The following REDIC1 variants were observed in gnomAD, a reference collection of about 807,000 sequenced individuals.
REDIC1 encodes the protein HEI10 Interacting Protein 1.
At chr12:39,871,891 C>G in the REDIC1 span, 2 of 1,612,016 alleles carry the variant, frequency 1.2e-6, no homozygotes, top group Non-Finnish European at 1.7e-6. Context: ...AAGGCTGTAA[C>G]TGAAGCCAGC....
the REDIC1 span, among the ~76,000 whole-genome samples, chr12:39,888,061 T>C: frequency 5.3e-5 from 8 of 152,200 alleles, no homozygotes; most frequent in Admixed American, 2.0e-4. Flanking sequence ...AACTGACAGA[T>C]TGATTGCACT....
At chr12:39,712,651 GTATA>G in the REDIC1 span, among the ~76,000 whole-genome samples, 1 of 142,774 alleles carries the variant, frequency 7.0e-6, no homozygotes, top group Admixed American at 7.0e-5. Context: ...TTATATTTAT[GTATA>G]TATGTATGTA....
chr12:39,792,287 G>A, the REDIC1 span, among the ~76,000 whole-genome samples: 3 of 148,450 alleles, frequency 2.0e-5, no homozygotes, highest in Non-Finnish European at 4.5e-5. Flanking sequence ...AGAAAACCTA[G>A]GCATTACCAT....
chr12:39,838,890 C>A, the REDIC1 span, among the ~76,000 whole-genome samples: 1 of 152,048 alleles, frequency 6.6e-6, no homozygotes, highest in Non-Finnish European at 1.5e-5. Flanking sequence ...AGATGGAGCA[C>A]TAAGAACAGT....
At chr12:39,824,320 T>C in the REDIC1 span, among the ~76,000 whole-genome samples, 2 of 152,220 alleles carry the variant, frequency 1.3e-5, no homozygotes, top group Admixed American at 1.3e-4. Flanking sequence ...CCGACTGATA[T>C]TGAACATCAG....
At chr12:39,788,804 T>C in the REDIC1 span, 145,013 of 152,226 alleles carry the variant, frequency 0.95, 69,146 homozygotes, top group East Asian at 0.99. Flanking sequence ...AGAAAGTAGC[T>C]CAACAATCGA....
At chr12:39,733,483 TTTTTA>T in the REDIC1 span, among the ~76,000 whole-genome samples, 74 of 152,264 alleles carry the variant, frequency 4.9e-4, no homozygotes, top group African/African-American at 1.5e-3. Flanking sequence ...TTTTTTAATT[TTTTTA>T]TTTTATTTTA....
At chr12:39,773,752 G>A in the REDIC1 span, among the ~76,000 whole-genome samples, 1 of 152,148 alleles carries the variant, frequency 6.6e-6, no homozygotes, top group Non-Finnish European at 1.5e-5. Context: ...TATGACCTGT[G>A]TATAAAAACC....
chr12:39,775,000 C>G, the REDIC1 span, among the ~76,000 whole-genome samples: 4 of 152,148 alleles, frequency 2.6e-5, no homozygotes, highest in African/African-American at 9.7e-5. Flanking sequence ...AGAAATTTGG[C>G]AATTTGAACA....
chr12:39,694,370 C>T, the REDIC1 span, among the ~76,000 whole-genome samples: 47 of 152,092 alleles, frequency 3.1e-4, no homozygotes, highest in African/African-American at 4.6e-4. Flanking sequence ...GAGTCACTGA[C>T]GCCACCCTTC....
chr12:39,708,727 A>G, the REDIC1 span, among the ~76,000 whole-genome samples: 1 of 151,644 alleles, frequency 6.6e-6, no homozygotes, highest in Non-Finnish European at 1.5e-5. Context: ...TGTTTCATTG[A>G]TCTTTCCTAA....
At chr12:39,720,805 C>T in the REDIC1 span, 1 of 1,609,712 alleles carries the variant, frequency 6.2e-7, no homozygotes, top group Non-Finnish European at 8.5e-7. Context: ...AGATGAAGAT[C>T]AAATATCACA....
the REDIC1 span, among the ~76,000 whole-genome samples, chr12:39,827,268 A>G: frequency 6.6e-6 from 1 of 152,128 alleles, no homozygotes; most frequent in Admixed American, 6.5e-5. Flanking sequence ...ACACTCCCTC[A>G]TAGCAAAGGC....
At chr12:39,684,506 TC>T in the REDIC1 span, among the ~76,000 whole-genome samples, 3 of 152,220 alleles carry the variant, frequency 2.0e-5, no homozygotes, top group African/African-American at 7.2e-5. Context: ...ACAAAACATT[TC>T]ATAAAATTGG....
the REDIC1 span, chr12:39,764,324 G>A: frequency 1.4e-6 from 1 of 740,250 alleles, no homozygotes; most frequent in Non-Finnish European, 2.0e-6. Context: ...GCCTTTGGAG[G>A]ACAAGAAAGC....
the REDIC1 span, among the ~76,000 whole-genome samples, chr12:39,752,247 T>G: frequency 1.3e-5 from 2 of 152,134 alleles, no homozygotes; most frequent in South Asian, 2.1e-4. Flanking sequence ...GATGGGCAAG[T>G]GAGCATTACC....
At chr12:39,713,573 C>T in the REDIC1 span, among the ~76,000 whole-genome samples, 1 of 148,994 alleles carries the variant, frequency 6.7e-6, no homozygotes, top group Non-Finnish European at 1.5e-5. Context: ...TGTACGCGTA[C>T]ATATGTATAC....
the REDIC1 span, among the ~76,000 whole-genome samples, chr12:39,669,430 G>C: frequency 6.6e-6 from 1 of 152,152 alleles, no homozygotes; most frequent in Non-Finnish European, 1.5e-5. Flanking sequence ...TCTCAGAGGA[G>C]TACCCGGCCC....
the REDIC1 span, among the ~76,000 whole-genome samples, chr12:39,714,233 ATG>A: frequency 1.4e-5 from 2 of 144,336 alleles, no homozygotes; most frequent in African/African-American, 5.2e-5. Context: ...GCATGCATAT[ATG>A]TATATATGTA....
Sources: gnomAD v4.1 joint callset for allele counts (sites outside exome capture counted in the v4.1 genomes callset) on GRCh38, gnomAD v4.1.1 for gene constraint, MANE v1.5 for transcripts, NCBI Gene and HGNC (gene_info 2026-07-23, HGNC 2026-07-21) for gene names.